The following PCCA variants were observed in gnomAD, a reference collection of about 807,000 sequenced individuals.
The protein encoded by PCCA is propionyl-CoA carboxylase alpha chain, mitochondrial.
In PCCA, 74 loss-of-function variants were observed where a neutral mutation model predicts 101.3. The observed-to-expected ratio is 0.73, with a 90% CI of 0.61 to 0.89. PCCA has a LOEUF of 0.89. Ranked by LOEUF, PCCA falls within the 40% of genes least tolerant of loss-of-function variation. PCCA has a pLI of 0.00. For synonymous variants in PCCA, 294 were observed against 313.6 expected, an observed-to-expected ratio of 0.94 and a Z score of 0.66; for missense variants, 891 against 907.0, an observed-to-expected ratio of 0.98 and a Z score of 0.23.
At chr13:100,402,836 G>A (rs2077450974) in intron 19 of PCCA, among the ~76,000 whole-genome samples, 1 of 152,142 alleles carries the variant, frequency 6.6e-6, no homozygotes, top group Non-Finnish European at 1.5e-5. Flanking sequence ...ATTCTGTTAG[G>A]CTGAATTGGC....
intron 19 of PCCA, among the ~76,000 whole-genome samples, chr13:100,415,119 C>T (rs952857189): frequency 5.9e-5 from 9 of 151,412 alleles, no homozygotes; most frequent in Non-Finnish European, 7.4e-5. Flanking sequence ...GCCCACAAGT[C>T]GAATCAGAAA....
At chr13:100,462,873 G>A (rs2082264606) in intron 21 of PCCA, among the ~76,000 whole-genome samples, 1 of 152,324 alleles carries the variant, frequency 6.6e-6, no homozygotes, top group East Asian at 1.9e-4. Flanking sequence ...TGATAAGAAC[G>A]CTAACAGAGG....
At position 100,520,987 on chromosome 13, in the gene PCCA, C is replaced by CA. The variant is rs144244644; in HGVS notation, c.2040+5426dup. On this transcript the variant is annotated intron_variant, in intron 22 of 23. Coordinates refer to ENST00000376285, the MANE Select transcript of PCCA (RefSeq NM_000282.4). ...CTCTTTTAATAAAAATAAAAGTTTA[C>CA]AAAAAATCATCCTTTCACGGAGCGC... 2.4e-3 allele frequency among the ~76,000 whole-genome samples: 362 copies of CA among 152,134 alleles called. 13 individuals carry two copies. The East Asian group carries it at 0.066, about 28-fold the overall frequency.
At chr13:100,176,060 G>A (rs111854626) in intron 6 of PCCA, among the ~76,000 whole-genome samples, 1 of 152,124 alleles carries the variant, frequency 6.6e-6, no homozygotes, top group South Asian at 2.1e-4. Context: ...CGGTTCTTAG[G>A]GATCAGATGA....
intron 6 of PCCA, among the ~76,000 whole-genome samples, chr13:100,163,065 A>G (rs1040850966): frequency 1.3e-5 from 2 of 152,180 alleles, no homozygotes; most frequent in African/African-American, 2.4e-5. Context: ...TAAATGCTCT[A>G]AAGTGAATGC....
At chr13:100,235,007 A>G (rs2060708603) in intron 7 of PCCA, among the ~76,000 whole-genome samples, 1 of 152,010 alleles carries the variant, frequency 6.6e-6, no homozygotes, top group African/African-American at 2.4e-5. Context: ...CCTGTGTTGG[A>G]TGTGTTAGGT....
rs183487160 is a variant in PCCA, at chr13:100,512,587, C to T, written c.1900-2840C>T. On this transcript the variant is annotated intron_variant, in intron 21 of 23. Transcript: ENST00000376285. ...GAGCTCACTGGAGCGAGTCATCTTCCGGCTCCATGGCAGCCCAGCCCCACC... is the reference window on the plus strand; with the variant it reads ...GAGCTCACTGGAGCGAGTCATCTTCTGGCTCCATGGCAGCCCAGCCCCACC... 2.5e-3 allele frequency among the ~76,000 whole-genome samples: 382 copies of T among 152,268 alleles called. 5 individuals are homozygous for T. The highest frequency in any genetic ancestry group is 8.6e-3 in the African/African-American group (358 of 41,554).
chr13:100,126,809 T>C (rs538431706), intron 4 of PCCA, among the ~76,000 whole-genome samples: 1 of 152,188 alleles, frequency 6.6e-6, no homozygotes, highest in African/African-American at 2.4e-5. Flanking sequence ...TTTTTATTAT[T>C]GTGAGCACTG....
intron 6 of PCCA, among the ~76,000 whole-genome samples, chr13:100,184,097 A>G (rs894704544): frequency 6.6e-6 from 1 of 152,190 alleles, no homozygotes; most frequent in African/African-American, 2.4e-5. Flanking sequence ...AGGCCTCAGG[A>G]AACTTACAGT....
intron 6 of PCCA, among the ~76,000 whole-genome samples, chr13:100,208,401 T>C (rs562258684): frequency 1.8e-4 from 28 of 152,312 alleles, no homozygotes; most frequent in African/African-American, 6.5e-4. Flanking sequence ...ATATGCAGTT[T>C]ATTGTTTATA....
chr13:100,134,644 C>T (rs2050929654), intron 4 of PCCA, among the ~76,000 whole-genome samples: 2 of 151,934 alleles, frequency 1.3e-5, no homozygotes, highest in African/African-American at 2.4e-5. Context: ...GTAGGCTTGA[C>T]CACCTGGGCT....
intron 8 of PCCA, among the ~76,000 whole-genome samples, chr13:100,251,110 G>T (rs1394478682): frequency 6.6e-6 from 1 of 152,158 alleles, no homozygotes; most frequent in Non-Finnish European, 1.5e-5. Context: ...GTCCTGGACT[G>T]CTGGTAGTTT....
intron 12 of PCCA, among the ~76,000 whole-genome samples, chr13:100,275,479 T>C (rs532352323): frequency 2.0e-5 from 3 of 152,314 alleles, no homozygotes; most frequent in African/African-American, 4.8e-5. Context: ...TTCTTCATGC[T>C]TTTACTCTCG....
intron 7 of PCCA, among the ~76,000 whole-genome samples, chr13:100,226,479 T>C (rs548251256): frequency 9.9e-5 from 15 of 152,236 alleles, no homozygotes; most frequent in Admixed American, 9.2e-4. Flanking sequence ...TTGACACTAA[T>C]ACCACTATCA....
intron 4 of PCCA, among the ~76,000 whole-genome samples, chr13:100,140,657 G>A (rs2051758805): frequency 6.6e-6 from 1 of 152,158 alleles, no homozygotes; most frequent in Non-Finnish European, 1.5e-5. Context: ...TCCTTGATCT[G>A]CCTGCTACTG....
At chr13:100,210,566 A>G (rs994378324) in intron 7 of PCCA, among the ~76,000 whole-genome samples, 2 of 152,224 alleles carry the variant, frequency 1.3e-5, no homozygotes, top group Non-Finnish European at 2.9e-5. Flanking sequence ...GTATATTGCA[A>G]ACATTTAGCA....
chr13:100,248,270 T>C (rs2061561854), intron 8 of PCCA, among the ~76,000 whole-genome samples: 1 of 152,172 alleles, frequency 6.6e-6, no homozygotes, highest in Non-Finnish European at 1.5e-5. Flanking sequence ...TTGGATTCTG[T>C]TTTCTTTCTT....
chr13:100,213,813 C>T lies in PCCA; in HGVS notation c.600+4350C>T, dbSNP rs145263460. On this transcript the variant is annotated intron_variant, in intron 7 of 23. Transcript: ENST00000376285. ...CTCAAGAAATTTTTGCCCAGACCAG[C>T]ATCTTACAGAGTTTTTGCAATGTTT... Among the ~76,000 whole-genome samples, 34 of 152,294 alleles carry T rather than the reference C, an allele frequency of 2.2e-4. No individual in the cohort carries two copies. The East Asian group carries it at 3.1e-3, about 14-fold the overall frequency.
chr13:100,275,087 G>A (rs1268235220), intron 12 of PCCA, among the ~76,000 whole-genome samples: 1 of 152,040 alleles, frequency 6.6e-6, no homozygotes, highest in African/African-American at 2.4e-5. Flanking sequence ...GTCACTGCAG[G>A]CATGAGCTGG....
Sources: gnomAD v4.1 joint callset for allele counts (sites outside exome capture counted in the v4.1 genomes callset) on GRCh38, gnomAD v4.1.1 for gene constraint, MANE v1.5 for transcripts, NCBI Gene and HGNC (gene_info 2026-07-23, HGNC 2026-07-21) for gene names.